Variants in SGMS1 observed in about 807,000 individuals in gnomAD.
The protein encoded by SGMS1 is sphingomyelin synthase 1.
A neutral mutation model predicts 46.2 loss-of-function variants in SGMS1; 13 were observed. The ratio of observed to expected loss-of-function variants is 0.28; its 90% CI spans 0.18 to 0.45. The LOEUF (loss-of-function observed/expected upper bound fraction) is 0.45, where lower values mean the gene tolerates loss of function less well. Ranked by LOEUF, SGMS1 falls within the 20% of genes least tolerant of loss-of-function variation. The pLI is 1.00. For missense variants in SGMS1, 324 were observed against 519.9 expected (o/e 0.62, Z 3.66); for synonymous variants, 203 against 187.8 (o/e 1.08, Z -0.66).
intron 2 of SGMS1, among the ~76,000 whole-genome samples, chr10:50,522,369 C>T (rs1458271966): frequency 6.6e-6 from 1 of 152,122 alleles, no homozygotes; most frequent in Non-Finnish European, 1.5e-5. Context: ...TCTACCCTGT[C>T]TCTAACCTGG....
intron 6 of SGMS1, among the ~76,000 whole-genome samples, chr10:50,366,601 C>T (rs1397854926): frequency 2.0e-5 from 3 of 152,188 alleles, no homozygotes; most frequent in Non-Finnish European, 4.4e-5. Context: ...CACATATACA[C>T]CATGGCAAAC....
chr10:50,390,450 C>T lies in SGMS1; in HGVS notation c.-232+43026G>A, dbSNP rs75010013. Among the ~76,000 whole-genome samples the T allele has an allele frequency of 5.0e-3, 756 of 152,260 alleles. 4 individuals carry two copies. Among genetic ancestry groups the T allele is most frequent in the African/African-American group, 0.015 (622 of 41,544 alleles). ...AAACCCTGAAGCATTACTCTATTCC[C>T]CAGAGGAATTTAAGTCAATAGAATG... On this transcript the variant is annotated intron_variant, in intron 6 of 10. Coordinates refer to ENST00000361781, the MANE Select transcript of SGMS1 (RefSeq NM_147156.4).
intron 6 of SGMS1, among the ~76,000 whole-genome samples, chr10:50,368,488 C>G (rs7080963): frequency 0.025 from 3,817 of 152,320 alleles, 177 homozygotes; most frequent in African/African-American, 0.085. Flanking sequence ...TCCCGAGTAG[C>G]TGGGATTACT....
chr10:50,541,227 T>C (rs548964962), intron 2 of SGMS1, among the ~76,000 whole-genome samples: 31 of 152,348 alleles, frequency 2.0e-4, no homozygotes, highest in African/African-American at 7.0e-4. Flanking sequence ...ATAATACTTA[T>C]GCTGTTATAC....
chr10:50,445,976 T>A (rs1837007503), intron 5 of SGMS1, among the ~76,000 whole-genome samples: 1 of 152,124 alleles, frequency 6.6e-6, no homozygotes, highest in African/African-American at 2.4e-5. Context: ...TTTACGATTG[T>A]AGATAAGGGA....
intron 9 of SGMS1, among the ~76,000 whole-genome samples, chr10:50,309,297 T>C (rs1021091270): frequency 2.6e-5 from 4 of 152,182 alleles, no homozygotes; most frequent in African/African-American, 9.7e-5. Flanking sequence ...TGTGACTCTA[T>C]TAGTATCCAT....
chr10:50,517,568 A>G (rs1483103593), intron 3 of SGMS1, among the ~76,000 whole-genome samples: 1 of 152,194 alleles, frequency 6.6e-6, no homozygotes. Context: ...TCTAACCTCC[A>G]TTTAATCAAA....
chr10:50,420,460 G>A (rs888508927), intron 6 of SGMS1, among the ~76,000 whole-genome samples: 1 of 152,114 alleles, frequency 6.6e-6, no homozygotes, highest in African/African-American at 2.4e-5. Context: ...ATCATCACAT[G>A]ACAAATGTCA....
At chr10:50,590,606 A>G (rs2131891773) in intron 1 of SGMS1, 1 of 152,300 alleles carries the variant, frequency 6.6e-6, no homozygotes, top group Admixed American at 6.5e-5. Context: ...TGATTGCCAC[A>G]AACTACTTAA....
At chr10:50,535,497 C>T (rs1837992626) in intron 2 of SGMS1, among the ~76,000 whole-genome samples, 1 of 151,958 alleles carries the variant, frequency 6.6e-6, no homozygotes, top group Non-Finnish European at 1.5e-5. Context: ...TCTCAAGTAG[C>T]TGGGATTACA....
rs184753962 is a variant in SGMS1 at position 50,467,097 on chromosome 10, G to A, written c.-497-165C>T. ...TCCCAACTAATTTCTGGCTGTCATG[G>A]TATTCAGAGTACACTTCTATTAGAC... On this transcript the variant is annotated intron_variant, in intron 3 of 10. Transcript: ENST00000361781. Among the ~76,000 whole-genome samples, 435 of 152,038 alleles carry A rather than the reference G, an allele frequency of 2.9e-3. 3 individuals are homozygous for A. Among genetic ancestry groups the A allele is most frequent in the Admixed American group, 7.4e-3 (113 of 15,264 alleles).
chr10:50,548,923 T>TA (rs1838125177), intron 2 of SGMS1, among the ~76,000 whole-genome samples: 1 of 151,938 alleles, frequency 6.6e-6, no homozygotes, highest in South Asian at 2.1e-4. Flanking sequence ...AAGACATACA[T>TA]ATGGCCAACT....
chr10:50,623,253 C>A (rs542394121), intron 1 of SGMS1, among the ~76,000 whole-genome samples: 41 of 152,270 alleles, frequency 2.7e-4, no homozygotes, highest in African/African-American at 9.4e-4. Flanking sequence ...GCCACCTAGG[C>A]TGTGGGGGTG....
At chr10:50,328,554 A>G (rs149528756) in intron 7 of SGMS1, among the ~76,000 whole-genome samples, 1 of 152,362 alleles carries the variant, frequency 6.6e-6, no homozygotes, top group East Asian at 1.9e-4. Context: ...TTAATTTTAA[A>G]AAACCATACA....
chr10:50,356,427 G>A lies in SGMS1; in HGVS notation c.-231-12082C>T, dbSNP rs958236284. Among the ~76,000 whole-genome samples the A allele has an allele frequency of 3.9e-5, 6 of 152,224 alleles. No individual in the cohort carries two copies. The East Asian group carries it at 7.7e-4, about 20-fold the overall frequency. On this transcript the variant is annotated intron_variant, in intron 6 of 10. Transcript: ENST00000361781. ...CAGGGACACAAACACTGCGGAAGGC[G>A]GAAGGCGGCAGGGCCCTCTGCCTAG...
Position 50,306,809 on chromosome 10 carries a change from C to T in SGMS1, c.*333G>A, listed in dbSNP as rs774214081. 15 of 187,774 alleles carry T rather than the reference C, an allele frequency of 8.0e-5. No homozygotes were observed. The highest frequency in any genetic ancestry group is 1.3e-4 in the Non-Finnish European group (12 of 91,762). The allele number at this position is 187,774 out of a possible 1,614,324, so 11.6% of individuals were successfully genotyped here. ...TAATACGCTTTATTTCCAGATGTGA[C>T]TGGAAAGACCAGAACTTATGATATA... is the stretch of plus-strand genomic sequence containing the variant. On this transcript the variant is annotated 3_prime_UTR_variant, in exon 11 of 11. Transcript: ENST00000361781.
chr10:50,328,187 T>C, intron 7 of SGMS1: 2 of 276,688 alleles, frequency 7.2e-6, no homozygotes, highest in Non-Finnish European at 1.4e-5. Context: ...TCCATGTAAG[T>C]TTGTTCAACT....
intron 8 of SGMS1, among the ~76,000 whole-genome samples, chr10:50,313,555 A>T (rs1175460494): frequency 6.6e-6 from 1 of 152,102 alleles, no homozygotes; most frequent in Non-Finnish European, 1.5e-5. Flanking sequence ...AAACATTATA[A>T]TTTTTTTTAA....
At chr10:50,311,078 C>A (rs979538125) in intron 9 of SGMS1, among the ~76,000 whole-genome samples, 184 bp downstream of exon 9, 8 of 152,180 alleles carry the variant, frequency 5.3e-5, no homozygotes, top group African/African-American at 1.9e-4. Context: ...CTCAGGAAGA[C>A]CAGTTCTGTC....
Sources: gnomAD v4.1 joint callset for allele counts (sites outside exome capture counted in the v4.1 genomes callset) on GRCh38, gnomAD v4.1.1 for gene constraint, MANE v1.5 for transcripts, NCBI Gene and HGNC (gene_info 2026-07-23, HGNC 2026-07-21) for gene names.